Variants in PRKCE observed in about 807,000 individuals in gnomAD.
PRKCE encodes protein kinase C epsilon, also known as protein kinase C epsilon type.
A neutral mutation model predicts 85.4 loss-of-function variants in PRKCE; 16 were observed. The observed-to-expected ratio is 0.19, with a 90% CI of 0.13 to 0.28. The LOEUF is 0.28. PRKCE is among the 10% of genes least tolerant of loss of function. The pLI, the probability that PRKCE is intolerant of heterozygous loss-of-function variation, is 1.00. For synonymous variants in PRKCE, 388 were observed against 371.5 expected, an observed-to-expected ratio of 1.04 and a Z score of -0.51; for missense variants, 573 against 975.2, an observed-to-expected ratio of 0.59 and a Z score of 5.49.
At chr2:45,703,176 G>A (rs1678817868) in intron 1 of PRKCE, among the ~76,000 whole-genome samples, 2 of 151,414 alleles carry the variant, frequency 1.3e-5, no homozygotes, top group African/African-American at 4.9e-5. Context: ...TCCTACCTGA[G>A]TTAGAGGCCA....
chr2:45,808,523 T>A (rs1346074737), intron 1 of PRKCE, among the ~76,000 whole-genome samples: 1 of 152,186 alleles, frequency 6.6e-6, no homozygotes, highest in Non-Finnish European at 1.5e-5. Context: ...GCTTCCTGTT[T>A]GTGTACCGTC....
chr2:45,955,566 C>G (rs758027249), intron 2 of PRKCE, among the ~76,000 whole-genome samples: 2 of 152,194 alleles, frequency 1.3e-5, no homozygotes, highest in Non-Finnish European at 2.9e-5. Flanking sequence ...AACCTGTAGT[C>G]CCAGCTACTT....
intron 1 of PRKCE, among the ~76,000 whole-genome samples, chr2:45,747,304 C>A (rs1357616391): frequency 6.6e-6 from 1 of 152,172 alleles, no homozygotes; most frequent in Non-Finnish European, 1.5e-5. Flanking sequence ...CATGCACTCT[C>A]CAGAACTCTT....
chr2:45,939,347 C>T (rs970060719), intron 2 of PRKCE, among the ~76,000 whole-genome samples: 1 of 152,136 alleles, frequency 6.6e-6, no homozygotes, highest in Non-Finnish European at 1.5e-5. Context: ...CACTTCATTC[C>T]CTGATGTCTT....
chr2:46,001,578 C>A lies in PRKCE; in HGVS notation c.966+32C>A. On this transcript the variant is annotated intron_variant, in intron 7 of 14. Coordinates refer to ENST00000306156, the MANE Select transcript of PRKCE (RefSeq NM_005400.3). The surrounding 1 kb of genome is among the most constrained non-coding windows in gnomAD (Gnocchi z 4.4). ...GGCTGTTTGGTGGTGTTGCTGGAGC[C>A]CTTTTCAGGCTAGCATTTCTGTGCT... 1 of 1,588,562 alleles carries A rather than the reference C, an allele frequency of 6.3e-7. No homozygotes were observed. The highest frequency in any genetic ancestry group is 1.1e-5 in the South Asian group (1 of 89,746).
Position 45,990,393 on chromosome 2 carries a change from C to T in PRKCE, c.823+5713C>T, listed in dbSNP as rs148016916. On this transcript the variant is annotated intron_variant, in intron 6 of 14. Transcript: ENST00000306156. ...TCTGTTCATTAGAAGAGAATCACTA[C>T]GTCCAGTCCTCTCCAAGGGAGGGAG... Among the ~76,000 whole-genome samples the T allele has an allele frequency of 2.3e-3, 347 of 152,286 alleles. 1 individual carries two copies. The highest frequency in any genetic ancestry group is 7.2e-3 in the African/African-American group (301 of 41,558).
intron 1 of PRKCE, among the ~76,000 whole-genome samples, chr2:45,787,124 C>G (rs1032283126): frequency 6.6e-6 from 1 of 152,166 alleles, no homozygotes; most frequent in African/African-American, 2.4e-5. Flanking sequence ...AGTGAGGTGT[C>G]CCCCCAAGCT....
chr2:45,927,113 G>T (rs112548987), intron 2 of PRKCE, among the ~76,000 whole-genome samples: 2,383 of 152,026 alleles, frequency 0.016, 70 homozygotes, highest in African/African-American at 0.055. Context: ...ATGGTGAGAA[G>T]TATAGAATGT....
intron 2 of PRKCE, among the ~76,000 whole-genome samples, chr2:45,910,886 A>T (rs1196644826): frequency 6.6e-6 from 1 of 152,192 alleles, no homozygotes; most frequent in Non-Finnish European, 1.5e-5. Flanking sequence ...AAACCGTACA[A>T]CTTGAAGGCC....
In PRKCE at chr2:46,135,541, A is replaced by G. The variant is rs148610087; in HGVS notation, c.1593-9552A>G. On this transcript the variant is annotated intron_variant, in intron 11 of 14. Transcript: ENST00000306156. ...AAGTAAGAGATAGAAAAGATTTAAC[A>G]CTGAGCTTGGGATACAAAAGCATTT... Among the ~76,000 whole-genome samples, 804 of 152,238 alleles carry G rather than the reference A, an allele frequency of 5.3e-3. 11 individuals carry two copies. Among genetic ancestry groups the G allele is most frequent in the African/African-American group, 0.018 (754 of 41,532 alleles).
chr2:45,672,598 C>G (rs1676227322), intron 1 of PRKCE, among the ~76,000 whole-genome samples: 1 of 152,178 alleles, frequency 6.6e-6, no homozygotes, highest in African/African-American at 2.4e-5. Context: ...TGCTTTTCAG[C>G]TATTGACTGA....
intron 1 of PRKCE, among the ~76,000 whole-genome samples, chr2:45,752,692 C>T (rs151003311): frequency 6.6e-6 from 1 of 152,278 alleles, no homozygotes; most frequent in Admixed American, 6.5e-5. Flanking sequence ...CTCCTCTCAT[C>T]TCCTGCGTCT....
At chr2:46,045,698 G>A (rs2105030666) in intron 10 of PRKCE, among the ~76,000 whole-genome samples, 1 of 152,304 alleles carries the variant, frequency 6.6e-6, no homozygotes, top group East Asian at 1.9e-4. Flanking sequence ...GGCCAACATG[G>A]TGAAGCCCTG....
intron 2 of PRKCE, among the ~76,000 whole-genome samples, chr2:45,876,662 A>G (rs1351458759): frequency 6.6e-6 from 1 of 151,972 alleles, no homozygotes; most frequent in Non-Finnish European, 1.5e-5. Context: ...CAGCTTCCCC[A>G]CTGCTGCGCC....
At chr2:45,969,306 C>T (rs1449205734) in intron 2 of PRKCE, among the ~76,000 whole-genome samples, 1 of 152,148 alleles carries the variant, frequency 6.6e-6, no homozygotes, top group Non-Finnish European at 1.5e-5. Context: ...AAGTTCACCC[C>T]TTCTGCAGTG....
At chr2:45,923,391 C>G (rs1220416407) in intron 2 of PRKCE, among the ~76,000 whole-genome samples, 2 of 152,218 alleles carry the variant, frequency 1.3e-5, no homozygotes, top group Non-Finnish European at 2.9e-5. Context: ...AAGCCATCAG[C>G]CAACTGCCTG....
intron 1 of PRKCE, among the ~76,000 whole-genome samples, chr2:45,660,601 A>G (rs1486852729): frequency 6.6e-6 from 1 of 152,230 alleles, no homozygotes; most frequent in Non-Finnish European, 1.5e-5. Flanking sequence ...GCCTGAACTC[A>G]TAGAGCTATT....
At chr2:45,934,838 G>A (rs1699309768) in intron 2 of PRKCE, among the ~76,000 whole-genome samples, 1 of 149,656 alleles carries the variant, frequency 6.7e-6, no homozygotes, top group African/African-American at 2.5e-5. Flanking sequence ...AGGATTGCTT[G>A]AGCCCAGGAG....
At chr2:46,062,158 A>G (rs1316891355) in intron 10 of PRKCE, among the ~76,000 whole-genome samples, 1 of 152,024 alleles carries the variant, frequency 6.6e-6, no homozygotes. Context: ...CACCACACCC[A>G]GCCTCATGCA....
Sources: gnomAD v4.1 joint callset for allele counts (sites outside exome capture counted in the v4.1 genomes callset) on GRCh38, gnomAD v4.1.1 for gene constraint, Gnocchi (gnomAD v3.1) non-coding constraint, MANE v1.5 for transcripts, NCBI Gene and HGNC (gene_info 2026-07-23, HGNC 2026-07-21) for gene names.